Variants in BCAS1 observed in about 807,000 individuals in gnomAD.
BCAS1 encodes brain enriched myelin associated protein 1.
A neutral mutation model predicts 65.4 loss-of-function variants in BCAS1; 46 were observed. The ratio of observed to expected loss-of-function variants is 0.70; its 90% CI spans 0.55 to 0.90. The LOEUF is 0.90. Among genes scored for constraint, BCAS1 ranks in the 40% least tolerant of loss-of-function variants. The probability of loss-of-function intolerance (pLI) is 0.00; values close to 1 mark genes in which losing one functional copy is unlikely to be tolerated. For missense variants in BCAS1, 793 were observed against 771.2 expected, an observed-to-expected ratio of 1.03 and a Z score of -0.33; for synonymous variants, 298 against 293.5, an observed-to-expected ratio of 1.02 and a Z score of -0.16.
intron 1 of BCAS1, among the ~76,000 whole-genome samples, chr20:54,061,697 A>G (rs1416561489): frequency 6.6e-6 from 1 of 152,228 alleles, no homozygotes; most frequent in Non-Finnish European, 1.5e-5. Flanking sequence ...GGGATTTTGT[A>G]TGTCTTCTGA....
chr20:53,973,118 C>A (rs1227513803), intron 9 of BCAS1, among the ~76,000 whole-genome samples: 1 of 152,186 alleles, frequency 6.6e-6, no homozygotes, highest in Non-Finnish European at 1.5e-5. Flanking sequence ...ATCCCAGCTA[C>A]TTGGGAGGCT....
chr20:53,968,935 C>T (rs2090108863), intron 9 of BCAS1, among the ~76,000 whole-genome samples: 1 of 152,216 alleles, frequency 6.6e-6, no homozygotes, highest in Admixed American at 6.5e-5. Context: ...GGAGCCATAT[C>T]AGAGACTGAG....
intron 10 of BCAS1, among the ~76,000 whole-genome samples, chr20:53,959,144 T>C (rs2145565040): frequency 6.6e-6 from 1 of 152,138 alleles, no homozygotes; most frequent in South Asian, 2.1e-4. Flanking sequence ...CAGGCTGGAG[T>C]ACAGCGGCAC....
chr20:53,947,955 T>C (rs1369911484), intron 12 of BCAS1, among the ~76,000 whole-genome samples: 3 of 152,146 alleles, frequency 2.0e-5, no homozygotes, highest in African/African-American at 7.2e-5. Context: ...ATGCTAACCC[T>C]GTGACGTCAG....
Position 53,985,312 on chromosome 20 carries a change from G to A in BCAS1, c.1250C>T (p.Pro417Leu). 2 of 1,613,718 alleles carry A rather than the reference G, an allele frequency of 1.2e-6. No homozygotes were observed. Among genetic ancestry groups the A allele is most frequent in the Non-Finnish European group, 1.7e-6 (2 of 1,179,944 alleles). The change falls in exon 8 of 13, where the codon CCT (proline) becomes CTT (leucine). Residue 417 changes from proline (P) to leucine (L), a missense_variant. Pro to Leu is a moderately conservative substitution (Grantham distance 98). Transcript: ENST00000688948. Reference protein sequence around the residue: ...TKEKSGPTSLPLGKLFWKKSV... With the variant: ...TKEKSGPTSLLLGKLFWKKSV... ...CTTTTTCCAAAACAGTTTGCCCAGA[G>A]GCAGAGAGGTGGGTCCTGATTTCTC...
chr20:53,954,789 G>A (rs997003511), intron 11 of BCAS1, among the ~76,000 whole-genome samples: 1 of 152,222 alleles, frequency 6.6e-6, no homozygotes, highest in African/African-American at 2.4e-5. Flanking sequence ...TGGCTTTGAT[G>A]TTGGGGAGAA....
At chr20:54,033,036 T>C (rs918954782) in intron 3 of BCAS1, among the ~76,000 whole-genome samples, 18 of 151,366 alleles carry the variant, frequency 1.2e-4, no homozygotes, top group African/African-American at 4.3e-4. Flanking sequence ...TTGAATGACC[T>C]GCTCCTGAAT....
At position 53,975,403 on chromosome 20, in the gene BCAS1, C is replaced by T; in HGVS notation, c.1303G>A (p.Gly435Ser). ...KSVKEDSVPT[G>S]AEENVVCESP... ...GTGTAACTTACATTCTCCTCCGCACCTGTGGGGACTGAGTCCTCTTTAACT... is the reference window on the plus strand; with the variant it reads ...GTGTAACTTACATTCTCCTCCGCACTTGTGGGGACTGAGTCCTCTTTAACT... Residue 435 changes from glycine (G) to serine (S), a missense_variant, in exon 9 of 13, where the codon GGT (glycine) becomes AGT (serine). Physicochemically the swap from Gly to Ser is moderately conservative, Grantham distance 56 (BLOSUM62 0). Coordinates refer to ENST00000688948, the MANE Select transcript of BCAS1 (RefSeq NM_001366298.2). The T allele has an allele frequency of 1.2e-6, 2 of 1,612,500 alleles. No homozygotes were observed. Among genetic ancestry groups the T allele is most frequent in the Non-Finnish European group, 1.7e-6 (2 of 1,178,956 alleles).
intron 7 of BCAS1, among the ~76,000 whole-genome samples, chr20:53,990,835 A>G (rs2090737867): frequency 6.6e-6 from 1 of 152,238 alleles, no homozygotes; most frequent in South Asian, 2.1e-4. Context: ...ATAAAAAAAT[A>G]CACTGAATGC....
rs751320661 is a variant in BCAS1, at chr20:54,028,468, T to C, written c.647A>G (p.Lys216Arg). The stretch of plus-strand genomic sequence containing the variant: ...CACCTTGTCTTGATGCTCTGCCCTC[T>C]TGGCTTCCTGTTGGCTGTCACCTGG... ...KVPGDSQQEA[K>R]RAEHQDKVDE... Residue 216 changes from lysine to arginine, a missense_variant, in exon 4 of 13, where the codon AAG (lysine) becomes AGG (arginine). Lys to Arg is a conservative substitution (Grantham distance 26, BLOSUM62 2). Coordinates refer to ENST00000688948, the MANE Select transcript of BCAS1 (RefSeq NM_001366298.2). 1.9e-6 allele frequency: 3 copies of C among 1,614,218 alleles called. No individual in the cohort carries two copies. In the Admixed American group the frequency reaches 5.0e-5, roughly 27 times the overall value.
intron 12 of BCAS1, among the ~76,000 whole-genome samples, chr20:53,947,504 G>A (rs1358792537): frequency 6.6e-6 from 1 of 152,062 alleles, no homozygotes; most frequent in Non-Finnish European, 1.5e-5. Context: ...ACCTCTGGCC[G>A]GTCCCTCACC....
intron 9 of BCAS1, among the ~76,000 whole-genome samples, chr20:53,968,514 TTA>T (rs1441402123): frequency 6.6e-6 from 1 of 152,240 alleles, no homozygotes; most frequent in East Asian, 1.9e-4. Flanking sequence ...AGAAGAACCC[TTA>T]GTCTCTGTAT....
intron 8 of BCAS1, among the ~76,000 whole-genome samples, chr20:53,981,468 T>C (rs1203612355): frequency 1.3e-5 from 2 of 152,084 alleles, no homozygotes; most frequent in African/African-American, 4.8e-5. Flanking sequence ...CTCCACAGAG[T>C]AATACTAAAT....
At chr20:54,035,441 C>G (rs1233128331) in intron 3 of BCAS1, among the ~76,000 whole-genome samples, 1 of 142,210 alleles carries the variant, frequency 7.0e-6, no homozygotes, top group East Asian at 2.0e-4. Flanking sequence ...AGGTAGTCAA[C>G]AAGCATATGA....
At chr20:53,946,312 C>G (rs966285682) in intron 12 of BCAS1, among the ~76,000 whole-genome samples, 2 of 151,830 alleles carry the variant, frequency 1.3e-5, no homozygotes, top group Non-Finnish European at 2.9e-5. Flanking sequence ...GTTTTCATCC[C>G]TAGAGTTCTG....
chr20:53,997,582 T>C (rs1340908671), intron 4 of BCAS1, among the ~76,000 whole-genome samples: 3 of 152,234 alleles, frequency 2.0e-5, no homozygotes, highest in African/African-American at 7.2e-5. Flanking sequence ...CATGTATCTA[T>C]ATTTTCTTTG....
chr20:53,968,480 A>G (rs1020088482), intron 9 of BCAS1, among the ~76,000 whole-genome samples: 1 of 152,228 alleles, frequency 6.6e-6, no homozygotes, highest in Non-Finnish European at 1.5e-5. Context: ...TTGGTTTGCA[A>G]AATGACCCGA....
chr20:54,057,507 A>G (rs2092313544), intron 3 of BCAS1, among the ~76,000 whole-genome samples: 1 of 152,170 alleles, frequency 6.6e-6, no homozygotes. Context: ...TTTTCACTCT[A>G]TTGCTTTTAT....
chr20:54,006,064 G>A (rs2091180807), intron 4 of BCAS1, among the ~76,000 whole-genome samples: 1 of 152,222 alleles, frequency 6.6e-6, no homozygotes, highest in East Asian at 1.9e-4. Context: ...TACCAGGATG[G>A]TGGGCACAGG....
Sources: allele counts gnomAD v4.1 joint callset (sites outside exome capture counted in the v4.1 genomes callset), GRCh38; gene constraint gnomAD v4.1.1; transcripts MANE v1.5; gene names NCBI Gene and HGNC (gene_info 2026-07-23, HGNC 2026-07-21).